Variants in CHST8 observed in about 807,000 individuals in gnomAD.
CHST8 encodes the protein GALNAC-4-ST1.
Under a neutral mutation model 15.0 loss-of-function variants are expected in CHST8, and 10 were observed. The observed-to-expected ratio is 0.67, with a 90% confidence interval of 0.41 to 1.13. The LOEUF (loss-of-function observed/expected upper bound fraction) is 1.13. Among genes scored for constraint, CHST8 ranks in the 50% most tolerant of loss-of-function variants. The pLI, the probability that CHST8 is intolerant of heterozygous loss-of-function variation, is 0.00. For synonymous variants in CHST8, 259 were observed against 256.6 expected (o/e 1.01, Z -0.09); for missense variants, 634 against 608.2 (o/e 1.04, Z -0.45).
intron 2 of CHST8, among the ~76,000 whole-genome samples, chr19:33,684,272 T>G (rs1972936845): frequency 6.6e-6 from 1 of 150,994 alleles, no homozygotes; most frequent in Admixed American, 6.6e-5. Flanking sequence ...TGGGGGGGAG[T>G]GGAGAGAACC....
chr19:33,745,529 C>T (rs1338216311), intron 3 of CHST8, among the ~76,000 whole-genome samples: 1 of 152,206 alleles, frequency 6.6e-6, no homozygotes, highest in African/African-American at 2.4e-5. Flanking sequence ...CTCTCTGCCC[C>T]ACTGGCACTG....
At chr19:33,670,805 G>A (rs1972727403) in intron 2 of CHST8, among the ~76,000 whole-genome samples, 1 of 152,148 alleles carries the variant, frequency 6.6e-6, no homozygotes, top group Non-Finnish European at 1.5e-5. Flanking sequence ...CCCTAAAGTA[G>A]TCACTGACAT....
At chr19:33,701,595 G>A (rs565736764) in intron 3 of CHST8, among the ~76,000 whole-genome samples, 26 of 152,272 alleles carry the variant, frequency 1.7e-4, no homozygotes, top group Admixed American at 1.3e-3. Flanking sequence ...AGGAACTACA[G>A]TAACATGCTA....
chr19:33,742,149 A>G (rs1974206619), intron 3 of CHST8, among the ~76,000 whole-genome samples: 1 of 152,184 alleles, frequency 6.6e-6, no homozygotes, highest in African/African-American at 2.4e-5. Flanking sequence ...TGTTGGGGAA[A>G]GACTGAGAAA....
At chr19:33,720,879 T>C (rs1472136567) in intron 3 of CHST8, among the ~76,000 whole-genome samples, 1 of 152,222 alleles carries the variant, frequency 6.6e-6, no homozygotes, top group East Asian at 1.9e-4. Flanking sequence ...GCCACGTCCA[T>C]CATTGCTGAA....
intron 3 of CHST8, among the ~76,000 whole-genome samples, chr19:33,758,508 T>C (rs1350921733): frequency 6.6e-6 from 1 of 152,232 alleles, no homozygotes; most frequent in Non-Finnish European, 1.5e-5. Flanking sequence ...AGATTCACTT[T>C]TGTGGCTCTT....
At chr19:33,734,453 AC>A (rs1974046718) in intron 3 of CHST8, among the ~76,000 whole-genome samples, 1 of 152,104 alleles carries the variant, frequency 6.6e-6, no homozygotes, top group African/African-American at 2.4e-5. Context: ...AGATCCAAGA[AC>A]CCTCTCTGGG....
At chr19:33,724,487 C>A (rs117265863) in intron 3 of CHST8, among the ~76,000 whole-genome samples, 23 of 152,312 alleles carry the variant, frequency 1.5e-4, no homozygotes, top group African/African-American at 5.5e-4. Context: ...GGGCTGGCAG[C>A]CGGGCTGCTC....
chr19:33,755,871 G>A (rs935013142), intron 3 of CHST8, among the ~76,000 whole-genome samples: 7 of 152,208 alleles, frequency 4.6e-5, no homozygotes, highest in Admixed American at 2.0e-4. Context: ...AGCACATTCC[G>A]TTTGCAAAGC....
At chr19:33,711,840 C>T (rs1397518446) in intron 3 of CHST8, among the ~76,000 whole-genome samples, 1 of 151,854 alleles carries the variant, frequency 6.6e-6, no homozygotes, top group African/African-American at 2.4e-5. Flanking sequence ...ACCATGTTGG[C>T]CAGGCTGGTC....
intron 2 of CHST8, among the ~76,000 whole-genome samples, chr19:33,671,681 C>A (rs1000401329): frequency 9.4e-5 from 14 of 148,346 alleles, no homozygotes; most frequent in Admixed American, 7.3e-4. Context: ...CACATACTCA[C>A]CTTTGGCCTC....
intron 1 of CHST8, among the ~76,000 whole-genome samples, chr19:33,642,192 C>T (rs1972292606): frequency 6.6e-6 from 1 of 152,062 alleles, no homozygotes; most frequent in African/African-American, 2.4e-5. Context: ...CCAAAGCCCT[C>T]ACCTCTGGGA....
chr19:33,655,648 G>A (rs371044691), intron 1 of CHST8, among the ~76,000 whole-genome samples: 1 of 152,204 alleles, frequency 6.6e-6, no homozygotes, highest in East Asian at 1.9e-4. Flanking sequence ...TGCTTCCCTA[G>A]ACTATCATAC....
intron 2 of CHST8, among the ~76,000 whole-genome samples, chr19:33,669,751 G>A (rs1046289402): frequency 3.3e-5 from 5 of 152,164 alleles, no homozygotes; most frequent in Admixed American, 1.3e-4. Flanking sequence ...AGGGTGGCAG[G>A]CTTCAAGTTT....
chr19:33,679,206 T>C (rs924090667), intron 2 of CHST8, among the ~76,000 whole-genome samples: 1 of 152,226 alleles, frequency 6.6e-6, no homozygotes, highest in African/African-American at 2.4e-5. Context: ...TTTTGAGAAG[T>C]AAATATGCAA....
intron 1 of CHST8, among the ~76,000 whole-genome samples, chr19:33,631,332 G>A (rs539945566): frequency 6.6e-6 from 1 of 152,150 alleles, no homozygotes; most frequent in East Asian, 1.9e-4. Flanking sequence ...CTCAGCTTTC[G>A]TGTGTCTGTT....
chr19:33,740,480 G>A (rs1250284285), intron 3 of CHST8, among the ~76,000 whole-genome samples: 1 of 152,214 alleles, frequency 6.6e-6, no homozygotes, highest in Admixed American at 6.5e-5. Flanking sequence ...TTGCTGGACT[G>A]GGTCACTTCA....
At position 33,629,871 on chromosome 19, in the gene CHST8, C is replaced by T. The variant is rs1035718447; in HGVS notation, c.-164+7575C>T. 2.0e-5 allele frequency among the ~76,000 whole-genome samples: 3 copies of T among 152,260 alleles called. No individual in the cohort carries two copies. The East Asian group carries it at 5.8e-4, about 29-fold the overall frequency. ...CCAGAGGGCGGCCTCTCCAGATGAG[C>T]CTTCCTGGGCTGGCCTGGCCACTCC... On this transcript the variant is annotated intron_variant, in intron 1 of 4. Transcript: ENST00000650847.
chr19:33,762,799 T>C (rs1316445668), intron 3 of CHST8, among the ~76,000 whole-genome samples: 2 of 152,276 alleles, frequency 1.3e-5, no homozygotes, highest in East Asian at 3.9e-4. Flanking sequence ...ATGAAACACG[T>C]TCAGCAAGGT....
Sources: allele counts gnomAD v4.1 joint callset (sites outside exome capture counted in the v4.1 genomes callset), GRCh38; gene constraint gnomAD v4.1.1; transcripts MANE v1.5; gene names NCBI Gene and HGNC (gene_info 2026-07-23, HGNC 2026-07-21).